The following KCNK3 variants were observed in gnomAD, a reference collection of about 807,000 sequenced individuals.
KCNK3 encodes potassium two pore domain channel subfamily K member 3.
In KCNK3, 9 loss-of-function variants were observed where a neutral mutation model predicts 27.3. The observed-to-expected ratio is 0.33, with a 90% CI of 0.20 to 0.57. The LOEUF (loss-of-function observed/expected upper bound fraction) is 0.57. KCNK3 is among the 20% of genes least tolerant of loss of function. KCNK3 has a pLI of 0.87. For missense variants in KCNK3, 391 were observed against 577.7 expected, an observed-to-expected ratio of 0.68 and a Z score of 3.31; for synonymous variants, 278 against 273.8, an observed-to-expected ratio of 1.02 and a Z score of -0.15.
chr2:26,728,461 C>A lies in KCNK3; in HGVS notation c.1078C>A (p.Arg360Ser). ...GGRYSDTPSR[R>S]CLCSGAPRSA... ...CCGCTACAGCGACACGCCCTCGCGA[C>A]GCTGCCTGTGCAGCGGGGCGCCACG... Residue 360 changes from arginine (R) to serine (S), a missense_variant, in exon 2 of 2, where the codon CGC becomes AGC. Arg to Ser is a moderately radical substitution (Grantham distance 110). Coordinates refer to ENST00000302909, the MANE Select transcript of KCNK3 (RefSeq NM_002246.3). 6.4e-7 allele frequency: 1 copy of A among 1,572,328 alleles called. No individual in the cohort carries two copies. The highest frequency in any genetic ancestry group is 8.6e-7 in the Non-Finnish European group (1 of 1,156,202).
At chr2:26,710,945 C>T (rs944968844) in intron 1 of KCNK3, among the ~76,000 whole-genome samples, 1 of 152,230 alleles carries the variant, frequency 6.6e-6, no homozygotes, top group African/African-American at 2.4e-5. Context: ...AACACTGGCA[C>T]GTGGCTGGCC....
intron 1 of KCNK3, among the ~76,000 whole-genome samples, chr2:26,723,375 C>T (rs559816088): frequency 4.3e-4 from 66 of 152,302 alleles, no homozygotes; most frequent in African/African-American, 1.5e-3. Flanking sequence ...CCAGGGTTTG[C>T]CTCTGATCTC....
chr2:26,698,171 C>T (rs1295468984), intron 1 of KCNK3, among the ~76,000 whole-genome samples: 3 of 152,110 alleles, frequency 2.0e-5, no homozygotes, highest in Non-Finnish European at 4.4e-5. Context: ...CTCCATTGTT[C>T]GAGGCCTCTT....
At position 26,732,106 on chromosome 2, in the gene KCNK3, C is replaced by T. The variant is rs1193088696; in HGVS notation, c.*3538C>T. The T allele has an allele frequency of 6.6e-6, 1 of 152,210 alleles. No individual in the cohort carries two copies. Among genetic ancestry groups the T allele is most frequent in the East Asian group, 1.9e-4 (1 of 5,198 alleles). 9.4% of individuals were successfully genotyped at this position (152,210 alleles called of 1,614,324 possible). On this transcript the variant is annotated 3_prime_UTR_variant, in exon 2 of 2. Coordinates refer to ENST00000302909, the MANE Select transcript of KCNK3 (RefSeq NM_002246.3). ...TCAGGCTTGGGACTGGGCCTCAGAA[C>T]CTACGACAGACCGTGAGAGCAGACC...
At chr2:26,720,836 G>T (rs1663315842) in intron 1 of KCNK3, among the ~76,000 whole-genome samples, 1 of 152,244 alleles carries the variant, frequency 6.6e-6, no homozygotes, top group Middle Eastern at 3.4e-3. Context: ...AGGAGCTCTG[G>T]CCTGAAGAGG....
intron 1 of KCNK3, among the ~76,000 whole-genome samples, chr2:26,702,398 A>C (rs1305121199): frequency 6.6e-6 from 1 of 152,196 alleles, no homozygotes; most frequent in Non-Finnish European, 1.5e-5. Context: ...CAGCAGGTCA[A>C]ATGAGAGACA....
Position 26,712,488 on chromosome 2 carries a change from C to T in KCNK3, c.284-15179C>T, listed in dbSNP as rs145883893. Among the ~76,000 whole-genome samples, 1,464 of 152,176 alleles carry T rather than the reference C, an allele frequency of 9.6e-3. 12 individuals carry two copies. Among genetic ancestry groups the T allele is most frequent in the Middle Eastern group, 0.021 (6 of 292 alleles). On this transcript the variant is annotated intron_variant, in intron 1 of 1. Coordinates refer to ENST00000302909, the MANE Select transcript of KCNK3 (RefSeq NM_002246.3). Reference sequence around the variant, plus strand: ...AGTGGCTTCTTTAGATCCCTAAGGGCCTGGAGCTTGTGAGAACAGTGGAAG... The same window carrying T: ...AGTGGCTTCTTTAGATCCCTAAGGGTCTGGAGCTTGTGAGAACAGTGGAAG...
At chr2:26,725,988 G>T (rs1663409692) in intron 1 of KCNK3, among the ~76,000 whole-genome samples, 1 of 152,008 alleles carries the variant, frequency 6.6e-6, no homozygotes, top group African/African-American at 2.4e-5. Context: ...TTACACACAT[G>T]ATCTTACTTA....
At chr2:26,709,528 T>C (rs776016354) in intron 1 of KCNK3, among the ~76,000 whole-genome samples, 2 of 151,954 alleles carry the variant, frequency 1.3e-5, no homozygotes, top group Non-Finnish European at 2.9e-5. Flanking sequence ...AAACCACCAG[T>C]AGATCTGCAG....
chr2:26,706,253 A>G (rs879686598), intron 1 of KCNK3, among the ~76,000 whole-genome samples: 7 of 152,270 alleles, frequency 4.6e-5, no homozygotes, highest in Admixed American at 3.9e-4. Context: ...CCAAGACATC[A>G]GGAGTCAGTG....
intron 1 of KCNK3, among the ~76,000 whole-genome samples, chr2:26,723,728 T>C (rs1663362890): frequency 6.6e-6 from 1 of 152,234 alleles, no homozygotes; most frequent in Non-Finnish European, 1.5e-5. Context: ...AAATGATGGC[T>C]AAGGGTATTT....
At chr2:26,722,630 ATAACT>A (rs1196188925) in intron 1 of KCNK3, among the ~76,000 whole-genome samples, 1 of 152,246 alleles carries the variant, frequency 6.6e-6, no homozygotes, top group Non-Finnish European at 1.5e-5. Flanking sequence ...ACATACAACA[ATAACT>A]TAACTCCATC....
At chr2:26,723,005 C>T (rs190005418) in intron 1 of KCNK3, among the ~76,000 whole-genome samples, 131 of 152,372 alleles carry the variant, frequency 8.6e-4, no homozygotes, top group Non-Finnish European at 1.3e-3. Context: ...CCCAGATCTC[C>T]TGCCTCCTAG....
At chr2:26,708,371 T>C in intron 1 of KCNK3, among the ~76,000 whole-genome samples, 1 of 152,168 alleles carries the variant, frequency 6.6e-6, no homozygotes, top group Non-Finnish European at 1.5e-5. Context: ...ATGGAGACCA[T>C]GGTCAAGAGT....
intron 1 of KCNK3, among the ~76,000 whole-genome samples, chr2:26,707,871 G>A (rs1670394678): frequency 6.6e-6 from 1 of 152,152 alleles, no homozygotes; most frequent in South Asian, 2.1e-4. Context: ...CTACACAGCA[G>A]TCCAGTGACA....
At chr2:26,725,239 C>G (rs563565205) in intron 1 of KCNK3, among the ~76,000 whole-genome samples, 1 of 152,182 alleles carries the variant, frequency 6.6e-6, no homozygotes, top group South Asian at 2.1e-4. Context: ...TGAGATCCCA[C>G]GACCACTGCT....
At chr2:26,713,226 C>A (rs1040716355) in intron 1 of KCNK3, among the ~76,000 whole-genome samples, 1 of 152,134 alleles carries the variant, frequency 6.6e-6, no homozygotes, top group Non-Finnish European at 1.5e-5. Flanking sequence ...CATTGGAGGC[C>A]AGAAGAGATG....
intron 1 of KCNK3, among the ~76,000 whole-genome samples, chr2:26,697,300 G>T (rs1276776019): frequency 6.6e-6 from 1 of 152,088 alleles, no homozygotes; most frequent in Non-Finnish European, 1.5e-5. Flanking sequence ...AGGCCAGGAG[G>T]TCCAGACCAG....
chr2:26,704,757 C>T (rs1436279088), intron 1 of KCNK3, among the ~76,000 whole-genome samples: 1 of 152,206 alleles, frequency 6.6e-6, no homozygotes, highest in Non-Finnish European at 1.5e-5. Context: ...GGCAAGCCTC[C>T]GATCAACGCA....
Sources: gnomAD v4.1 joint callset for allele counts (sites outside exome capture counted in the v4.1 genomes callset) on GRCh38, gnomAD v4.1.1 for gene constraint, MANE v1.5 for transcripts, NCBI Gene and HGNC (gene_info 2026-07-23, HGNC 2026-07-21) for gene names.